Variants in INPP4B observed in about 807,000 individuals in gnomAD.
INPP4B encodes the protein inositol polyphosphate 4-phosphatase type II.
A neutral mutation model predicts 122.5 loss-of-function variants in INPP4B; 55 were observed. The observed-to-expected ratio is 0.45, with a 90% CI of 0.36 to 0.56. The LOEUF is 0.56. Ranked by LOEUF, INPP4B falls within the 20% of genes least tolerant of loss-of-function variation. The pLI is 0.00. For missense variants in INPP4B, 1,000 were observed against 1,097.7 expected (o/e 0.91, Z 1.26); for synonymous variants, 403 against 388.7 (o/e 1.04, Z -0.43).
intron 12 of INPP4B, among the ~76,000 whole-genome samples, chr4:142,219,937 C>T (rs547589606): frequency 3.4e-4 from 52 of 152,218 alleles, no homozygotes; most frequent in Non-Finnish European, 5.9e-4. Context: ...GAGATCATTG[C>T]CCCACAGCTG....
chr4:142,492,351 G>C (rs538570211), intron 2 of INPP4B, among the ~76,000 whole-genome samples: 4 of 152,186 alleles, frequency 2.6e-5, no homozygotes, highest in African/African-American at 9.6e-5. Context: ...TTTGGAACTG[G>C]GTAACAGGCA....
intron 7 of INPP4B, among the ~76,000 whole-genome samples, chr4:142,387,635 C>G (rs62328296): frequency 6.6e-6 from 1 of 152,158 alleles, no homozygotes; most frequent in African/African-American, 2.4e-5. Flanking sequence ...AAGTTCTTAT[C>G]AGTCACACTT....
At chr4:142,733,721 C>A (rs771823038) in intron 1 of INPP4B, among the ~76,000 whole-genome samples, 7 of 152,134 alleles carry the variant, frequency 4.6e-5, no homozygotes, top group Non-Finnish European at 7.4e-5. Context: ...TTGGTAGTAT[C>A]TCTCCTTTGA....
intron 17 of INPP4B, among the ~76,000 whole-genome samples, chr4:142,149,332 T>G (rs1396187870): frequency 6.6e-6 from 1 of 152,182 alleles, no homozygotes; most frequent in Non-Finnish European, 1.5e-5. Flanking sequence ...TATATGCACA[T>G]TAGCTAATTT....
chr4:142,564,451 A>AG (rs1553960082), intron 2 of INPP4B, among the ~76,000 whole-genome samples: 1 of 131,696 alleles, frequency 7.6e-6, no homozygotes, highest in South Asian at 2.5e-4. Context: ...AAAAAAAAAA[A>AG]AAAGAAAGAA....
At chr4:142,360,257 G>A (rs947443381) in intron 7 of INPP4B, among the ~76,000 whole-genome samples, 1 of 151,864 alleles carries the variant, frequency 6.6e-6, no homozygotes, top group Non-Finnish European at 1.5e-5. Context: ...ATCTATAAGG[G>A]TAAATGAGTA....
intron 25 of INPP4B, among the ~76,000 whole-genome samples, chr4:142,068,051 G>A (rs754614763): frequency 6.6e-6 from 1 of 152,130 alleles, no homozygotes; most frequent in African/African-American, 2.4e-5. Flanking sequence ...AAGCTGAAAG[G>A]AAGGAAAAAA....
intron 23 of INPP4B, among the ~76,000 whole-genome samples, chr4:142,098,413 C>T (rs1289424091): frequency 6.6e-6 from 1 of 151,958 alleles, no homozygotes; most frequent in South Asian, 2.1e-4. Flanking sequence ...TTAGGAGACA[C>T]ATAATGAGAC....
chr4:142,503,194 T>A (rs1041865964), intron 2 of INPP4B, among the ~76,000 whole-genome samples: 3 of 151,914 alleles, frequency 2.0e-5, no homozygotes, highest in African/African-American at 7.3e-5. Flanking sequence ...AACAACCAAA[T>A]CAGAAATCTC....
At chr4:142,120,786 A>G (rs568615532) in intron 21 of INPP4B, among the ~76,000 whole-genome samples, 1 of 152,184 alleles carries the variant, frequency 6.6e-6, no homozygotes, top group African/African-American at 2.4e-5. Flanking sequence ...ATGCTGCCCA[A>G]TGTTCACTAG....
chr4:142,485,252 T>C (rs1237558251), intron 2 of INPP4B, among the ~76,000 whole-genome samples: 2 of 152,086 alleles, frequency 1.3e-5, no homozygotes, highest in Non-Finnish European at 2.9e-5. Flanking sequence ...ATTTAAACCT[T>C]TTTAGGAACA....
chr4:142,313,701 G>A (rs1766406293), intron 8 of INPP4B, among the ~76,000 whole-genome samples: 1 of 152,142 alleles, frequency 6.6e-6, no homozygotes. Flanking sequence ...AGAGGTTGAA[G>A]GCAGAAAAAC....
intron 20 of INPP4B, among the ~76,000 whole-genome samples, 178 bp from the exon 21 acceptor site, chr4:142,122,423 CCATTT>C (rs1370943226): frequency 1.3e-5 from 2 of 152,102 alleles, no homozygotes; most frequent in Admixed American, 1.3e-4. Flanking sequence ...GAAATGAGAA[CCATTT>C]CAATGGACTT....
At chr4:142,148,835 T>TA (rs1019225400) in intron 17 of INPP4B, among the ~76,000 whole-genome samples, 57 of 152,250 alleles carry the variant, frequency 3.7e-4, no homozygotes, top group African/African-American at 1.2e-3. Flanking sequence ...GTAGGCAGAA[T>TA]AAAAAAATTT....
At chr4:142,428,307 T>C (rs1808544617) in intron 5 of INPP4B, among the ~76,000 whole-genome samples, 1 of 151,342 alleles carries the variant, frequency 6.6e-6, no homozygotes, top group South Asian at 2.1e-4. Context: ...TGTAAAGATT[T>C]TGATACTATA....
intron 2 of INPP4B, among the ~76,000 whole-genome samples, chr4:142,555,743 C>T (rs562011583): frequency 9.2e-5 from 14 of 151,654 alleles, no homozygotes; most frequent in South Asian, 2.1e-4. Flanking sequence ...TGGTAGTGGG[C>T]GCCTGTAGTC....
chr4:142,436,263 C>T (rs1810492889), intron 3 of INPP4B, among the ~76,000 whole-genome samples: 1 of 152,168 alleles, frequency 6.6e-6, no homozygotes, highest in African/African-American at 2.4e-5. Context: ...TCTCCCTGGG[C>T]CTGAGCCCCT....
intron 1 of INPP4B, among the ~76,000 whole-genome samples, chr4:142,737,778 C>G (rs1358507967): frequency 6.6e-6 from 1 of 151,964 alleles, no homozygotes; most frequent in African/African-American, 2.4e-5. Context: ...AAAAAACAAC[C>G]CCATCAAAAA....
In INPP4B at chr4:142,483,182, C is replaced by CTTTTTTTTTTTTTTTTTTTT. The variant is rs5862604; in HGVS notation, c.-190-20476_-190-20457dup. Among the ~76,000 whole-genome samples the CTTTTTTTTTTTTTTTTTTTT allele has an allele frequency of 3.1e-4, 15 of 48,334 alleles. 6 individuals carry two copies. Among genetic ancestry groups the CTTTTTTTTTTTTTTTTTTTT allele is most frequent in the African/African-American group, 1.2e-3 (12 of 10,092 alleles). The allele number at this position is 48,334 out of a possible 152,430, so 31.7% of individuals were successfully genotyped here. On this transcript the variant is annotated intron_variant, in intron 2 of 25. Transcript: ENST00000262992. Reference sequence around the variant, plus strand: ...TAATAATGACTGGAGTCAGGCTATGCTTTTTTTTTTTTTTTTTTTTTTTTT... The same window carrying CTTTTTTTTTTTTTTTTTTTT: ...TAATAATGACTGGAGTCAGGCTATGCTTTTTTTTTTTTTTTTTTTTTTTTTTTTTTTTTTTTTTTTTTTTT...
Sources: allele counts gnomAD v4.1 joint callset (sites outside exome capture counted in the v4.1 genomes callset), GRCh38; gene constraint gnomAD v4.1.1; transcripts MANE v1.5; gene names NCBI Gene and HGNC (gene_info 2026-07-23, HGNC 2026-07-21).